Variants in CMTM6 observed in about 807,000 individuals in gnomAD.
CMTM6 encodes CKLF like MARVEL transmembrane domain containing 6.
In CMTM6, 5 loss-of-function variants were observed where a neutral mutation model predicts 13.6. That is an observed-to-expected ratio of 0.37 (90% CI 0.19 to 0.77). The LOEUF is 0.77. Ranked by LOEUF, CMTM6 falls within the 30% of genes least tolerant of loss-of-function variation. CMTM6 has a pLI of 0.50. For missense variants in CMTM6, 196 were observed against 218.6 expected, an observed-to-expected ratio of 0.90 and a Z score of 0.65; for synonymous variants, 99 against 84.5, an observed-to-expected ratio of 1.17 and a Z score of -0.94.
chr3:32,488,026 A>G lies in CMTM6; in HGVS notation c.326T>C (p.Ile109Thr), dbSNP rs369031832. Residue 109 changes from isoleucine (I) to threonine (T), a missense_variant, in exon 3 of 4, where the codon ATT becomes ACT. By Grantham distance (89) the Ile-to-Thr change is moderately conservative (BLOSUM62 -1). This residue lies in a region of CMTM6 where 111 missense variants were observed against 160.0 expected (regional missense o/e 0.69). Coordinates refer to ENST00000205636, the MANE Select transcript of CMTM6 (RefSeq NM_017801.3). ...AAACACACATCCTGTTCCCAAAGTA[A>G]TATAAAAATCCTATGCATACATACA... ...TTKVKSSDFY[I>T]TLGTGCVFLL... 4.3e-6 allele frequency: 7 copies of G among 1,611,680 alleles called. No homozygotes were observed. The African/African-American group carries it at 8.0e-5, about 18-fold the overall frequency.
rs1359566760 is a variant in CMTM6, at chr3:32,481,660, CTTAT to C, written c.*2296_*2299del. 1 of 152,122 alleles carries C rather than the reference CTTAT, an allele frequency of 6.6e-6. No individual in the cohort carries two copies. The highest frequency in any genetic ancestry group is 1.9e-4 in the East Asian group (1 of 5,204). 9.4% of individuals were successfully genotyped at this position (152,122 alleles called of 1,614,324 possible). ...TTTCTGGTCCCAAGTTCCCCTTGAA[CTTAT>C]TTACTACAATGGTCTTTTTACTCCT... On this transcript the variant is annotated 3_prime_UTR_variant, in exon 4 of 4. Coordinates refer to ENST00000205636, the MANE Select transcript of CMTM6 (RefSeq NM_017801.3).
Position 32,502,655 on chromosome 3 carries a change from T to A in CMTM6, c.91A>T (p.Met31Leu). Residue 31 changes from methionine (M) to leucine (L), a missense_variant, in exon 1 of 4, where the codon ATG (methionine) becomes TTG (leucine). Physicochemically the swap from Met to Leu is conservative, Grantham distance 15 (BLOSUM62 2). Around this residue, in one of 2 missense-constraint regions of CMTM6, gnomAD observed 85 missense variants for 58.7 expected, o/e 1.45. Coordinates refer to ENST00000205636, the MANE Select transcript of CMTM6 (RefSeq NM_017801.3). ...CGCCGGAGCAATGGGAGCCGGCCCA[T>A]GAAAAAGTAGGCAGCGAGGCCGCTC... ...PRSGLAAYFF[M>L]GRLPLLRRVL... 1 of 1,594,546 alleles carries A rather than the reference T, an allele frequency of 6.3e-7. No homozygotes were observed. The highest frequency in any genetic ancestry group is 1.1e-5 in the South Asian group (1 of 88,290).
At chr3:32,495,048 T>C (rs1697279234) in intron 1 of CMTM6, among the ~76,000 whole-genome samples, 1 of 152,026 alleles carries the variant, frequency 6.6e-6, no homozygotes, top group South Asian at 2.1e-4. Flanking sequence ...CTATAATAAT[T>C]TCAAAATAAA....
At chr3:32,488,367 A>AG (rs71068057) in intron 2 of CMTM6, 1 of 66,426 alleles carries the variant, frequency 1.5e-5, no homozygotes, top group Non-Finnish European at 3.3e-5. Flanking sequence ...CCAAAAAAAG[A>AG]AAAAAAAAAA....
intron 1 of CMTM6, among the ~76,000 whole-genome samples, chr3:32,493,486 G>A (rs186486817): frequency 6.6e-6 from 1 of 152,278 alleles, no homozygotes; most frequent in East Asian, 1.9e-4. Context: ...TGATTGAGGA[G>A]GTCTGTGGAA....
intron 1 of CMTM6, among the ~76,000 whole-genome samples, chr3:32,495,179 G>GA (rs946273855): frequency 2.6e-5 from 4 of 151,468 alleles, no homozygotes; most frequent in African/African-American, 9.7e-5. Flanking sequence ...TTATATAAAA[G>GA]AAAAAAAATA....
chr3:32,500,564 AT>A (rs538534616), intron 1 of CMTM6, among the ~76,000 whole-genome samples: 48 of 152,316 alleles, frequency 3.2e-4, no homozygotes, highest in African/African-American at 1.2e-3. Flanking sequence ...ATTAGTTTTT[AT>A]TTTTTCTCCA....
intron 3 of CMTM6, among the ~76,000 whole-genome samples, chr3:32,486,199 T>C (rs571825432): frequency 2.0e-5 from 3 of 152,210 alleles, no homozygotes; most frequent in Admixed American, 6.5e-5. Context: ...TCAATTTTGT[T>C]AAAAACAAAG....
chr3:32,492,206 T>C (rs1697255391), intron 1 of CMTM6, among the ~76,000 whole-genome samples: 2 of 152,078 alleles, frequency 1.3e-5, no homozygotes, highest in South Asian at 4.1e-4. Flanking sequence ...AGCTGAGACC[T>C]GAAGAACAGA....
rs891197964 is a variant in CMTM6, at chr3:32,483,722, A to G, written c.*238T>C. 3.4e-6 allele frequency: 1 copy of G among 298,268 alleles called. No individual in the cohort carries two copies. Among genetic ancestry groups the G allele is most frequent in the Non-Finnish European group, 6.1e-6 (1 of 163,730 alleles). The allele number at this position is 298,268 out of a possible 1,614,324, so 18.5% of individuals were successfully genotyped here. ...AAAACAATTGTTTTCTCCTCCTCCC[A>G]CCAAAATCTCCATTTGAGATAAGTT... On this transcript the variant is annotated 3_prime_UTR_variant, in exon 4 of 4. Transcript: ENST00000205636.
chr3:32,501,653 A>T (rs1465875716), intron 1 of CMTM6, among the ~76,000 whole-genome samples: 1 of 152,234 alleles, frequency 6.6e-6, no homozygotes, highest in East Asian at 1.9e-4. Flanking sequence ...GAGTTGTAAG[A>T]ATTTAAGTTC....
At position 32,489,234 on chromosome 3, in the gene CMTM6, C is replaced by T. The variant is rs184109234; in HGVS notation, c.316-1198G>A. On this transcript the variant is annotated intron_variant, in intron 2 of 3. Coordinates refer to ENST00000205636, the MANE Select transcript of CMTM6 (RefSeq NM_017801.3). The stretch of plus-strand genomic sequence containing the variant: ...GCAGTGAGCCAAGGTCACACCACTG[C>T]ATTCCAGCCTGGGCGACAGAGCGAG... Among the ~76,000 whole-genome samples, 895 of 130,872 alleles carry T rather than the reference C, an allele frequency of 6.8e-3. 6 individuals are homozygous for T. The highest frequency in any genetic ancestry group is 0.015 in the South Asian group (61 of 4,188). 85.9% of individuals were successfully genotyped at this position (130,872 alleles called of 152,430 possible).
In CMTM6 at chr3:32,484,020, C is replaced by T; in HGVS notation, c.492G>A (p.Gln164=). Residue 164 remains glutamine (Q), a synonymous_variant, in exon 4 of 4, where the codon CAG becomes CAA. Transcript: ENST00000205636. ...TMLYEKRQES[Q]LRKPENTTRA... is the part of the protein sequence containing the mutation. Reference sequence around the variant, plus strand: ...TAGTGGTATTTTCAGGTTTTCTCAGCTGGGACTCCTGTCGTTTTTCATACA... The same window carrying T: ...TAGTGGTATTTTCAGGTTTTCTCAGTTGGGACTCCTGTCGTTTTTCATACA... 1 of 1,611,606 alleles carries T rather than the reference C, an allele frequency of 6.2e-7. No homozygotes were observed. Among genetic ancestry groups the T allele is most frequent in the Non-Finnish European group, 8.5e-7 (1 of 1,179,260 alleles).
chr3:32,489,355 G>A (rs1424642915), intron 2 of CMTM6, among the ~76,000 whole-genome samples: 1 of 149,710 alleles, frequency 6.7e-6, no homozygotes, highest in Non-Finnish European at 1.5e-5. Flanking sequence ...TATATAAAAT[G>A]TAAGAGGTTT....
rs1488616450 is a variant in CMTM6 at position 32,481,361 on chromosome 3, CAA to C, written c.*2597_*2598del. On this transcript the variant is annotated 3_prime_UTR_variant, in exon 4 of 4. Coordinates refer to ENST00000205636, the MANE Select transcript of CMTM6 (RefSeq NM_017801.3). The stretch of plus-strand genomic sequence containing the variant: ...TTAAAAAGACTATAAAATCTGACAT[CAA>C]GAGAGATAAAAAAAAAAGACCCATA... The C allele has an allele frequency of 3.1e-4, 38 of 121,736 alleles. No homozygotes were observed. Among genetic ancestry groups the C allele is most frequent in the East Asian group, 1.2e-3 (5 of 4,106 alleles). The allele number at this position is 121,736 out of a possible 1,614,324, so 7.5% of individuals were successfully genotyped here. A position where few individuals can be genotyped will look rare whatever the true frequency, so the allele number is the denominator to read the frequency against.
At chr3:32,502,562 A>G (rs1452839018) in intron 1 of CMTM6, 46 bp downstream of exon 1, 2 of 1,559,042 alleles carry the variant, frequency 1.3e-6, no homozygotes, top group Non-Finnish European at 1.7e-6. Flanking sequence ...CCCGGGCCAG[A>G]CCCCGCTCCC....
At chr3:32,497,324 T>G (rs758249953) in intron 1 of CMTM6, among the ~76,000 whole-genome samples, 5 of 144,032 alleles carry the variant, frequency 3.5e-5, no homozygotes, top group East Asian at 2.1e-4. Context: ...GGCAGAGCTT[T>G]CAGTGAGCCG....
At position 32,496,744 on chromosome 3, in the gene CMTM6, T is replaced by C. The variant is rs113775470; in HGVS notation, c.139-4858A>G. Among the ~76,000 whole-genome samples the C allele has an allele frequency of 1.8e-3, 273 of 152,170 alleles. 1 individual carries two copies. Among genetic ancestry groups the C allele is most frequent in the Middle Eastern group, 0.01 (3 of 294 alleles). ...GGCAGAGACACAAACAGAACCTGGA[T>C]AGACAGAGGACATTCTAATTCTAGG... On this transcript the variant is annotated intron_variant, in intron 1 of 3. Transcript: ENST00000205636.
chr3:32,492,293 G>C (rs983968414), intron 1 of CMTM6, among the ~76,000 whole-genome samples: 2 of 150,526 alleles, frequency 1.3e-5, no homozygotes, highest in Non-Finnish European at 3.0e-5. Context: ...AGAAATGAGG[G>C]AGCATGGCAC....
Sources: allele counts gnomAD v4.1 joint callset (sites outside exome capture counted in the v4.1 genomes callset), GRCh38; gene constraint gnomAD v4.1.1; regional missense constraint gnomAD v4.1.1; transcripts MANE v1.5; gene names NCBI Gene and HGNC (gene_info 2026-07-23, HGNC 2026-07-21).